The following GUCY1A2 variants were observed in gnomAD, a reference collection of about 807,000 sequenced individuals.
GUCY1A2 encodes the protein guanylate cyclase soluble subunit alpha-2.
In GUCY1A2, 27 loss-of-function variants were observed where a neutral mutation model predicts 63.5. The observed-to-expected ratio is 0.43, with a 90% CI of 0.31 to 0.59. The LOEUF (loss-of-function observed/expected upper bound fraction) is 0.59. Ranked by LOEUF, GUCY1A2 falls within the 20% of genes least tolerant of loss-of-function variation. The pLI is 0.11. For missense variants in GUCY1A2, 768 were observed against 913.3 expected (o/e 0.84, Z 2.05); for synonymous variants, 364 against 343.5 (o/e 1.06, Z -0.66).
intron 3 of GUCY1A2, among the ~76,000 whole-genome samples, chr11:106,957,708 G>A (rs867575668): frequency 1.5e-4 from 22 of 151,544 alleles, no homozygotes; most frequent in Admixed American, 3.3e-4. Context: ...CTCTGAACAC[G>A]CAGCTTCCAG....
intron 4 of GUCY1A2, among the ~76,000 whole-genome samples, chr11:106,818,769 A>G (rs1858863268): frequency 6.6e-6 from 1 of 152,190 alleles, no homozygotes. Context: ...CACACAAATG[A>G]TAAGAAACTA....
At chr11:106,856,798 T>C in intron 4 of GUCY1A2, among the ~76,000 whole-genome samples, 1 of 152,184 alleles carries the variant, frequency 6.6e-6, no homozygotes, top group East Asian at 1.9e-4. Context: ...TTACTCTTTC[T>C]TCTAAACTCT....
intron 6 of GUCY1A2, among the ~76,000 whole-genome samples, chr11:106,753,022 T>C (rs1863910638): frequency 6.6e-6 from 1 of 152,156 alleles, no homozygotes; most frequent in South Asian, 2.1e-4. Context: ...CCAGCATCTG[T>C]TGTTTCCTGA....
rs138590351 is a variant in GUCY1A2, at chr11:106,682,000, G to A, written c.*5549C>T. 9.0e-5 allele frequency: 19 copies of A among 211,738 alleles called. No individual in the cohort carries two copies. Among genetic ancestry groups the A allele is most frequent in the Non-Finnish European group, 7.6e-5 (8 of 105,436 alleles). 13.1% of individuals were successfully genotyped at this position (211,738 alleles called of 1,614,324 possible). Reference sequence around the variant, plus strand: ...TCCCAAAGGTCATAGTTTTTACCTCGGTGGTGAGGATTAGCAAATGTTGTA... The same window carrying A: ...TCCCAAAGGTCATAGTTTTTACCTCAGTGGTGAGGATTAGCAAATGTTGTA... On this transcript the variant is annotated 3_prime_UTR_variant, in exon 8 of 8. Coordinates refer to ENST00000526355, the MANE Select transcript of GUCY1A2 (RefSeq NM_000855.3).
At chr11:106,979,402 C>T (rs1446917872) in intron 2 of GUCY1A2, among the ~76,000 whole-genome samples, 1 of 150,186 alleles carries the variant, frequency 6.7e-6, no homozygotes, top group Non-Finnish European at 1.5e-5. Context: ...TTGCAGTGAG[C>T]CGAGACTGCG....
Position 106,940,082 on chromosome 11 carries a change from G to A in GUCY1A2, c.584C>T (p.Thr195Ile). 6.2e-7 allele frequency: 1 copy of A among 1,613,000 alleles called. No homozygotes were observed. Among genetic ancestry groups the A allele is most frequent in the Non-Finnish European group, 8.5e-7 (1 of 1,178,970 alleles). ...AAAGCCGTTAAAAAAGTCCTGCAAA[G>A]TGCCACCTACAGCTCGAAGGACTCT... Reference protein sequence around the residue: ...NERVLRAVGGTLQDFFNGFDA... With the variant: ...NERVLRAVGGILQDFFNGFDA... The change falls in exon 4 of 8, where the codon ACT (threonine) becomes ATT (isoleucine). Residue 195 changes from threonine to isoleucine, a missense_variant. Thr to Ile is a moderately conservative substitution (Grantham distance 89). This residue lies in a region of GUCY1A2 where 496 missense variants were observed against 486.9 expected (regional missense o/e 1.02). Transcript: ENST00000526355.
intron 4 of GUCY1A2, among the ~76,000 whole-genome samples, chr11:106,905,890 G>A (rs942821323): frequency 5.3e-5 from 8 of 151,994 alleles, no homozygotes; most frequent in Admixed American, 2.0e-4. Flanking sequence ...GCAGCAACAC[G>A]TATAAGATGC....
At chr11:106,827,117 T>C in intron 4 of GUCY1A2, 3 of 1,481,568 alleles carry the variant, frequency 2.0e-6, no homozygotes, top group East Asian at 4.5e-5. Context: ...ACTTCACACA[T>C]AGCTTCAAGG....
intron 3 of GUCY1A2, among the ~76,000 whole-genome samples, chr11:106,974,902 C>T (rs1861242966): frequency 6.6e-6 from 1 of 152,066 alleles, no homozygotes; most frequent in African/African-American, 2.4e-5. Flanking sequence ...ATAACTGATG[C>T]TTCCTAAACC....
At chr11:106,870,549 T>C (rs1336633351) in intron 4 of GUCY1A2, among the ~76,000 whole-genome samples, 2 of 152,126 alleles carry the variant, frequency 1.3e-5, no homozygotes, top group Non-Finnish European at 2.9e-5. Flanking sequence ...TTGTTGTTGT[T>C]ACTTGTTTGT....
intron 1 of GUCY1A2, among the ~76,000 whole-genome samples, chr11:107,000,763 T>A (rs1423404305): frequency 6.6e-6 from 1 of 152,154 alleles, no homozygotes; most frequent in Non-Finnish European, 1.5e-5. Flanking sequence ...TGTAAGACTC[T>A]CTCTATCCTT....
chr11:106,897,586 A>G (rs1205748588), intron 4 of GUCY1A2, among the ~76,000 whole-genome samples: 3 of 152,082 alleles, frequency 2.0e-5, no homozygotes, highest in Admixed American at 6.6e-5. Flanking sequence ...ACAAAGGAGC[A>G]AAAGCAATGC....
In GUCY1A2 at chr11:106,786,544, C is replaced by T. The variant is rs114489517; in HGVS notation, c.1693-9962G>A. Reference sequence around the variant, plus strand: ...CCAATTCCTGCACAGGAATGTCCATCGTGTGGAAAATACTGTTTCTACCTC... The same window carrying T: ...CCAATTCCTGCACAGGAATGTCCATTGTGTGGAAAATACTGTTTCTACCTC... On this transcript the variant is annotated intron_variant, in intron 5 of 7. Transcript: ENST00000526355. Among the ~76,000 whole-genome samples the T allele has an allele frequency of 7.2e-3, 1,089 of 152,244 alleles. 12 individuals carry two copies. Among genetic ancestry groups the T allele is most frequent in the African/African-American group, 0.023 (956 of 41,534 alleles).
intron 3 of GUCY1A2, among the ~76,000 whole-genome samples, chr11:106,943,903 C>G: frequency 6.6e-6 from 1 of 151,796 alleles, no homozygotes; most frequent in Non-Finnish European, 1.5e-5. Context: ...TGAAGGGAGA[C>G]TTAAATAAAA....
intron 4 of GUCY1A2, among the ~76,000 whole-genome samples, chr11:106,893,309 A>T (rs930092666): frequency 1.3e-5 from 2 of 152,176 alleles, no homozygotes; most frequent in Non-Finnish European, 2.9e-5. Context: ...AATCAAAAAC[A>T]TGTTGGTTAA....
intron 6 of GUCY1A2, among the ~76,000 whole-genome samples, chr11:106,721,247 CG>C (rs1201166827): frequency 4.0e-5 from 6 of 151,856 alleles, no homozygotes; most frequent in African/African-American, 1.5e-4. Context: ...TTAGTAGAGA[CG>C]GGGTTTTGCC....
At chr11:106,812,292 G>GTC (rs984939974) in intron 4 of GUCY1A2, among the ~76,000 whole-genome samples, 7 of 151,060 alleles carry the variant, frequency 4.6e-5, no homozygotes, top group African/African-American at 7.3e-5. Context: ...CTTCTATGTA[G>GTC]TCTCTCTCTC....
At chr11:106,947,557 T>C (rs774941071) in intron 3 of GUCY1A2, among the ~76,000 whole-genome samples, 1 of 152,042 alleles carries the variant, frequency 6.6e-6, no homozygotes, top group Admixed American at 6.6e-5. Context: ...TTTGTATATG[T>C]ACATATGTAT....
At chr11:106,850,029 A>C (rs1591301278) in intron 4 of GUCY1A2, among the ~76,000 whole-genome samples, 1 of 151,832 alleles carries the variant, frequency 6.6e-6, no homozygotes, top group East Asian at 1.9e-4. Flanking sequence ...GTATTCCATT[A>C]GCAGTCAGTC....
Sources: allele counts gnomAD v4.1 joint callset (sites outside exome capture counted in the v4.1 genomes callset), GRCh38; gene constraint gnomAD v4.1.1; regional missense constraint gnomAD v4.1.1; transcripts MANE v1.5; gene names NCBI Gene and HGNC (gene_info 2026-07-23, HGNC 2026-07-21).